The following DIAPH3 variants were observed in gnomAD, a reference collection of about 807,000 sequenced individuals.
DIAPH3 encodes protein diaphanous homolog 3.
A neutral mutation model predicts 144.3 loss-of-function variants in DIAPH3; 117 were observed. The observed-to-expected ratio is 0.81, with a 90% CI of 0.70 to 0.95. The LOEUF (loss-of-function observed/expected upper bound fraction) is 0.95, where lower values mean the gene tolerates loss of function less well. DIAPH3 is among the 40% of genes least tolerant of loss of function. The probability of loss-of-function intolerance (pLI) is 0.00; values close to 1 mark genes in which losing one functional copy is unlikely to be tolerated. For synonymous variants in DIAPH3, 519 were observed against 488.9 expected, an observed-to-expected ratio of 1.06 and a Z score of -0.81; for missense variants, 1,421 against 1,412.7, an observed-to-expected ratio of 1.01 and a Z score of -0.09.
intron 25 of DIAPH3, among the ~76,000 whole-genome samples, chr13:59,806,508 C>G (rs369916331): frequency 1.3e-5 from 2 of 151,924 alleles, no homozygotes; most frequent in South Asian, 2.1e-4. Context: ...TTGATACATA[C>G]TAATAGTCTC....
At chr13:60,046,682 T>C (rs564739347) in intron 4 of DIAPH3, among the ~76,000 whole-genome samples, 5 of 152,308 alleles carry the variant, frequency 3.3e-5, no homozygotes, top group East Asian at 3.9e-4. Flanking sequence ...CGTATGTTTA[T>C]TGCAGCACTG....
chr13:60,115,951 C>T (rs1440914286), intron 2 of DIAPH3, among the ~76,000 whole-genome samples: 2 of 152,044 alleles, frequency 1.3e-5, no homozygotes, highest in East Asian at 3.9e-4. Flanking sequence ...GTGAAACTAC[C>T]CTTCATAAGT....
chr13:59,766,689 T>C (rs547848907), intron 27 of DIAPH3, among the ~76,000 whole-genome samples: 1 of 152,192 alleles, frequency 6.6e-6, no homozygotes, highest in East Asian at 1.9e-4. Flanking sequence ...GTAAAGCCTT[T>C]GTCATATGAA....
At chr13:59,875,639 G>A (rs2044575006) in intron 21 of DIAPH3, among the ~76,000 whole-genome samples, 1 of 152,024 alleles carries the variant, frequency 6.6e-6, no homozygotes, top group Non-Finnish European at 1.5e-5. Flanking sequence ...TTTAATCAGG[G>A]AAAACACTAT....
At chr13:59,924,194 C>G (rs148315814) in intron 18 of DIAPH3, among the ~76,000 whole-genome samples, 2 of 152,256 alleles carry the variant, frequency 1.3e-5, no homozygotes, top group East Asian at 3.9e-4. Flanking sequence ...TTGCCTTCTT[C>G]TCTCACAGTA....
chr13:59,727,782 A>T (rs916884858), intron 27 of DIAPH3, among the ~76,000 whole-genome samples: 1 of 152,146 alleles, frequency 6.6e-6, no homozygotes, highest in Non-Finnish European at 1.5e-5. Flanking sequence ...TCTGTTATTA[A>T]AAAGGCCTGG....
At chr13:59,887,262 T>A (rs2045515767) in intron 20 of DIAPH3, among the ~76,000 whole-genome samples, 1 of 152,086 alleles carries the variant, frequency 6.6e-6, no homozygotes, top group South Asian at 2.1e-4. Flanking sequence ...TTCCATGTGG[T>A]CATAACATAC....
chr13:59,825,108 A>G (rs2041312013), intron 24 of DIAPH3, among the ~76,000 whole-genome samples: 1 of 152,042 alleles, frequency 6.6e-6, no homozygotes, highest in Non-Finnish European at 1.5e-5. Flanking sequence ...ACATATGTAT[A>G]CATGTGCCAT....
In DIAPH3 at chr13:60,029,057, C is replaced by CAA. The variant is rs57887648; in HGVS notation, c.627-12914_627-12913dup. Among the ~76,000 whole-genome samples, 667 of 146,782 alleles carry CAA rather than the reference C, an allele frequency of 4.5e-3. 4 individuals are homozygous for CAA. The highest frequency in any genetic ancestry group is 0.012 in the African/African-American group (497 of 40,112). On this transcript the variant is annotated intron_variant, in intron 5 of 27. Coordinates refer to ENST00000400324, the MANE Select transcript of DIAPH3 (RefSeq NM_001042517.2). ...CTGGTGACAGAGCAAGACTCCGTCT[C>CAA]AAAAAAAAAAGGGGGGATTTTTTTT... is the stretch of plus-strand genomic sequence containing the variant.
At chr13:59,914,848 T>C (rs376308545) in intron 19 of DIAPH3, among the ~76,000 whole-genome samples, 1 of 152,194 alleles carries the variant, frequency 6.6e-6, no homozygotes, top group African/African-American at 2.4e-5. Context: ...ATCAGACTTA[T>C]GTTTTACAGG....
intron 27 of DIAPH3, among the ~76,000 whole-genome samples, chr13:59,732,053 T>C (rs1264265553): frequency 6.6e-6 from 1 of 152,124 alleles, no homozygotes; most frequent in Non-Finnish European, 1.5e-5. Flanking sequence ...ATATTCTTAA[T>C]ATAGCCAAAG....
At chr13:59,888,200 C>T (rs1447440773) in intron 20 of DIAPH3, among the ~76,000 whole-genome samples, 1 of 151,894 alleles carries the variant, frequency 6.6e-6, no homozygotes, top group Admixed American at 6.6e-5. Flanking sequence ...GCAGAGTCCT[C>T]ATGAATGGGA....
intron 4 of DIAPH3, among the ~76,000 whole-genome samples, chr13:60,080,808 C>T (rs2057531648): frequency 1.3e-5 from 2 of 151,892 alleles, no homozygotes; most frequent in African/African-American, 4.8e-5. Context: ...AAATAATACA[C>T]ATTTATCCAA....
At chr13:59,838,171 G>T (rs528410505) in intron 23 of DIAPH3, 20 of 152,002 alleles carry the variant, frequency 1.3e-4, no homozygotes, top group Non-Finnish European at 2.5e-4. Flanking sequence ...TGTCCATATG[G>T]GATTTTAATA....
intron 21 of DIAPH3, among the ~76,000 whole-genome samples, chr13:59,866,735 C>A (rs2043949147): frequency 6.6e-6 from 1 of 151,962 alleles, no homozygotes; most frequent in South Asian, 2.1e-4. Context: ...TGGATTTATA[C>A]CACTATATTT....
chr13:59,739,080 A>T (rs2036307426), intron 27 of DIAPH3, among the ~76,000 whole-genome samples: 1 of 152,138 alleles, frequency 6.6e-6, no homozygotes, highest in Non-Finnish European at 1.5e-5. Context: ...ATCTCTCCTG[A>T]TCATGTTTCT....
rs1449609756 is a variant in DIAPH3 at position 60,112,319 on chromosome 13, G to C, written c.214-133C>G. The C allele has an allele frequency of 2.9e-6, 3 of 1,036,140 alleles. No individual in the cohort carries two copies. The Admixed American group carries it at 7.0e-5, about 24-fold the overall frequency. The allele number at this position is 1,036,140 out of a possible 1,614,324, so 64.2% of individuals were successfully genotyped here. A position where few individuals can be genotyped will look rare whatever the true frequency, so the allele number is the denominator to read the frequency against. ...TTTCATCAAGAGGCATTCAGCATTG[G>C]AATATTTAAAATTAATAATAATAAA... On this transcript the variant is annotated intron_variant, in intron 2 of 27. Coordinates refer to ENST00000400324, the MANE Select transcript of DIAPH3 (RefSeq NM_001042517.2).
At chr13:60,087,629 T>C (rs1379513460) in intron 4 of DIAPH3, among the ~76,000 whole-genome samples, 2 of 152,106 alleles carry the variant, frequency 1.3e-5, no homozygotes, top group Admixed American at 6.5e-5. Flanking sequence ...TAAGGAAGCG[T>C]TCAAAGAATA....
intron 2 of DIAPH3, among the ~76,000 whole-genome samples, chr13:60,116,184 A>G (rs2138101387): frequency 6.6e-6 from 1 of 152,252 alleles, no homozygotes; most frequent in East Asian, 1.9e-4. Flanking sequence ...TAAATGAGCT[A>G]TAAGACTTAC....
Sources: gnomAD v4.1 joint callset for allele counts (sites outside exome capture counted in the v4.1 genomes callset) on GRCh38, gnomAD v4.1.1 for gene constraint, MANE v1.5 for transcripts, NCBI Gene and HGNC (gene_info 2026-07-23, HGNC 2026-07-21) for gene names.